KCTD8: variants seen among roughly 807,000 people sequenced by gnomAD.
The protein encoded by KCTD8 is potassium channel tetramerization domain containing 8.
A neutral mutation model predicts 31.5 loss-of-function variants in KCTD8; 27 were observed. That is an observed-to-expected ratio of 0.86 (90% confidence interval 0.63 to 1.18). KCTD8 has a LOEUF of 1.18. Among genes scored for constraint, KCTD8 ranks in the 50% most tolerant of loss-of-function variants. KCTD8 has a pLI of 0.00. For synonymous variants in KCTD8, 290 were observed against 280.0 expected, an observed-to-expected ratio of 1.04 and a Z score of -0.36; for missense variants, 658 against 647.7, an observed-to-expected ratio of 1.02 and a Z score of -0.17.
chr4:44,291,806 A>T (rs777869958), intron 1 of KCTD8, among the ~76,000 whole-genome samples: 94 of 152,028 alleles, frequency 6.2e-4, no homozygotes, highest in Non-Finnish European at 1.1e-3. Flanking sequence ...TCATTAAAAA[A>T]TGGGCAAAGA....
intron 1 of KCTD8, among the ~76,000 whole-genome samples, chr4:44,262,030 C>T (rs11940330): frequency 0.03 from 4,585 of 152,072 alleles, 241 homozygotes; most frequent in African/African-American, 0.11. Flanking sequence ...ATAATGGAGA[C>T]TGAGCTGAAG....
intron 1 of KCTD8, among the ~76,000 whole-genome samples, chr4:44,236,771 CTCA>C (rs1162517349): frequency 1.3e-5 from 2 of 152,146 alleles, no homozygotes; most frequent in East Asian, 3.9e-4. Context: ...TTACTCAAAT[CTCA>C]TCTTGAATTG....
intron 1 of KCTD8, among the ~76,000 whole-genome samples, chr4:44,379,783 T>C (rs1333522987): frequency 6.6e-6 from 1 of 152,076 alleles, no homozygotes; most frequent in Non-Finnish European, 1.5e-5. Context: ...TACATTAAAA[T>C]TTGTATTTCA....
intron 1 of KCTD8, among the ~76,000 whole-genome samples, chr4:44,224,946 G>A (rs1034596736): frequency 1.3e-5 from 2 of 152,150 alleles, no homozygotes; most frequent in Admixed American, 1.3e-4. Context: ...CACACTCATT[G>A]CTTCCGCCCA....
intron 1 of KCTD8, among the ~76,000 whole-genome samples, chr4:44,309,593 A>G (rs890373311): frequency 3.9e-5 from 6 of 152,154 alleles, no homozygotes; most frequent in Admixed American, 3.9e-4. Context: ...GAATTTTATA[A>G]CTGTCACAAA....
chr4:44,421,442 C>G (rs1404634576), intron 1 of KCTD8, among the ~76,000 whole-genome samples: 1 of 152,046 alleles, frequency 6.6e-6, no homozygotes, highest in South Asian at 2.1e-4. Flanking sequence ...GGTATACCAA[C>G]AGAGATTCTG....
rs562835512 is a variant in KCTD8, at chr4:44,379,351, C to T, written c.961+68212G>A. ...CTAAATAAAATGAAATTGTGCAGAA[C>T]TGTCCCTAACCTTGTGAAGTGAACA... On this transcript the variant is annotated intron_variant, in intron 1 of 1. Coordinates refer to ENST00000360029, the MANE Select transcript of KCTD8 (RefSeq NM_198353.3). Among the ~76,000 whole-genome samples the T allele has an allele frequency of 3.3e-5, 5 of 152,232 alleles. No individual in the cohort carries two copies. In the South Asian group the frequency reaches 1.0e-3, roughly 32 times the overall value.
intron 1 of KCTD8, among the ~76,000 whole-genome samples, chr4:44,347,398 A>G (rs558992663): frequency 6.6e-6 from 1 of 152,306 alleles, no homozygotes; most frequent in South Asian, 2.1e-4. Context: ...TTCACTGGCA[A>G]CTAAATCACT....
chr4:44,403,202 A>G (rs1463831002), intron 1 of KCTD8, among the ~76,000 whole-genome samples: 1 of 79,044 alleles, frequency 1.3e-5, no homozygotes, highest in Non-Finnish European at 3.0e-5. Context: ...AGCAAAATAG[A>G]ATTTGTCAAA....
At chr4:44,278,280 C>T (rs1436582798) in intron 1 of KCTD8, among the ~76,000 whole-genome samples, 1 of 151,842 alleles carries the variant, frequency 6.6e-6, no homozygotes, top group Non-Finnish European at 1.5e-5. Flanking sequence ...TATTATGTAA[C>T]CAAATTATTC....
chr4:44,308,430 G>A (rs1409216406), intron 1 of KCTD8, among the ~76,000 whole-genome samples: 1 of 151,874 alleles, frequency 6.6e-6, no homozygotes, highest in Non-Finnish European at 1.5e-5. Context: ...ATGGATTGTG[G>A]ACTAATAATA....
chr4:44,254,455 A>G (rs778009764), intron 1 of KCTD8, among the ~76,000 whole-genome samples: 7 of 151,910 alleles, frequency 4.6e-5, no homozygotes, highest in Admixed American at 1.3e-4. Context: ...ATAGGGTCTT[A>G]ACTACAAGTG....
At chr4:44,446,239 C>A (rs1721935558) in intron 1 of KCTD8, among the ~76,000 whole-genome samples, 2 of 152,190 alleles carry the variant, frequency 1.3e-5, no homozygotes, top group African/African-American at 4.8e-5. Context: ...CCTTCCATTT[C>A]TCCAGTCAAA....
At chr4:44,195,048 T>C (rs902106873) in intron 1 of KCTD8, among the ~76,000 whole-genome samples, 1 of 151,490 alleles carries the variant, frequency 6.6e-6, no homozygotes, top group Non-Finnish European at 1.5e-5. Flanking sequence ...TTTTTGTATT[T>C]TTTATTTTTA....
chr4:44,361,704 GA>G (rs1719501572), intron 1 of KCTD8, among the ~76,000 whole-genome samples: 2 of 151,990 alleles, frequency 1.3e-5, no homozygotes, highest in East Asian at 1.9e-4. Context: ...GATTTAATGA[GA>G]AAAAGATTGA....
Position 44,174,773 on chromosome 4 carries a change from C to T in KCTD8, c.*17G>A. On this transcript the variant is annotated 3_prime_UTR_variant, in exon 2 of 2. Coordinates refer to ENST00000360029, the MANE Select transcript of KCTD8 (RefSeq NM_198353.3). ...AACATTGAATGTCATCAAAATACTG[C>T]AGGAATGTGACAATTACTATAACCC... 2.6e-6 allele frequency: 4 copies of T among 1,557,206 alleles called. No individual in the cohort carries two copies. Among genetic ancestry groups the T allele is most frequent in the Non-Finnish European group, 3.5e-6 (4 of 1,146,474 alleles).
intron 1 of KCTD8, among the ~76,000 whole-genome samples, chr4:44,235,226 C>T (rs1715241466): frequency 1.3e-5 from 2 of 148,310 alleles, no homozygotes; most frequent in African/African-American, 2.5e-5. Context: ...ATAGCTCATC[C>T]AACCCTCAAA....
chr4:44,182,832 C>G (rs76004984), intron 1 of KCTD8, among the ~76,000 whole-genome samples: 1 of 152,294 alleles, frequency 6.6e-6, no homozygotes, highest in African/African-American at 2.4e-5. Flanking sequence ...ATTTGTTATT[C>G]TAAGCAAGTT....
intron 1 of KCTD8, among the ~76,000 whole-genome samples, chr4:44,212,724 T>C (rs531029044): frequency 2.0e-5 from 3 of 152,222 alleles, no homozygotes; most frequent in Admixed American, 6.5e-5. Context: ...TGTTTCCTTA[T>C]GTTTTAGATA....
Sources: gnomAD v4.1 joint callset for allele counts (sites outside exome capture counted in the v4.1 genomes callset) on GRCh38, gnomAD v4.1.1 for gene constraint, MANE v1.5 for transcripts, NCBI Gene and HGNC (gene_info 2026-07-23, HGNC 2026-07-21) for gene names.